The following CRMP1 variants were observed in gnomAD, a reference collection of about 807,000 sequenced individuals.
CRMP1 encodes the protein dihydropyrimidinase-related protein 1.
A neutral mutation model predicts 68.3 loss-of-function variants in CRMP1; 19 were observed. The ratio of observed to expected loss-of-function variants is 0.28; its 90% confidence interval spans 0.19 to 0.41. The LOEUF is 0.41. Among genes scored for constraint, CRMP1 ranks in the 10% least tolerant of loss-of-function variants. The pLI is 1.00. For missense variants in CRMP1, 791 were observed against 967.4 expected (o/e 0.82, Z 2.42); for synonymous variants, 439 against 399.6 (o/e 1.10, Z -1.18).
At chr4:5,869,311 A>G (rs1258663565) in intron 1 of CRMP1, among the ~76,000 whole-genome samples, 8 of 152,000 alleles carry the variant, frequency 5.3e-5, no homozygotes. Flanking sequence ...TACCATTTGT[A>G]TTCTCTCCAG....
At position 5,889,271 on chromosome 4, in the gene CRMP1, C is replaced by A. The variant is rs957495257; in HGVS notation, c.381+3318G>T. Among the ~76,000 whole-genome samples the A allele has an allele frequency of 1.3e-5, 2 of 152,176 alleles. No individual in the cohort carries two copies. The highest frequency in any genetic ancestry group is 2.9e-5 in the Non-Finnish European group (2 of 68,036). On this transcript the variant is annotated intron_variant, in intron 1 of 13. Transcript: ENST00000324989. This position sits in a 1 kb window ranked among gnomAD's most constrained non-coding sequence, Gnocchi z 4.5. ...CTCCAACAGCAGCTCCCTCATCACA[C>A]AGCAGCCTGACACTGGGGCCACCAG... is the stretch of plus-strand genomic sequence containing the variant.
rs1714940284 is a variant in CRMP1 at position 5,877,759 on chromosome 4, TC to T, written c.382-11004del. On this transcript the variant is annotated intron_variant, in intron 1 of 13. Transcript: ENST00000324989. The surrounding 1 kb of genome is among the most constrained non-coding windows in gnomAD (Gnocchi z 4.3). ...TTTTCCCCCCGATATTATGCCTGTTTCCATGACAACTGCAGTTATAAGTGCA... is the reference window on the plus strand; with the variant it reads ...TTTTCCCCCCGATATTATGCCTGTTTCATGACAACTGCAGTTATAAGTGCA... Among the ~76,000 whole-genome samples the T allele has an allele frequency of 6.6e-6, 1 of 152,194 alleles. No homozygotes were observed. The highest frequency in any genetic ancestry group is 1.5e-5 in the Non-Finnish European group (1 of 68,046).
intron 1 of CRMP1, chr4:5,887,827 C>A: frequency 4.0e-6 from 4 of 997,264 alleles, no homozygotes; most frequent in Non-Finnish European, 4.8e-6. Context: ...CCGGACGGTG[C>A]GGGGGCCGAG....
rs1222305890 is a variant in CRMP1 at position 5,850,103 on chromosome 4, T to C, written c.883-631A>G. Among the ~76,000 whole-genome samples, 1 of 152,192 alleles carries C rather than the reference T, an allele frequency of 6.6e-6. No homozygotes were observed. The highest frequency in any genetic ancestry group is 2.4e-5 in the African/African-American group (1 of 41,458). ...CCTGAGGAGAATCTGCATTTGGGCA[T>C]TGCCCCTGGTAAGGGCCAAAGCCAC... On this transcript the variant is annotated intron_variant, in intron 5 of 13. Transcript: ENST00000324989. This position sits in a 1 kb window ranked among gnomAD's most constrained non-coding sequence, Gnocchi z 4.4.
rs1449071012 is a variant in CRMP1, at chr4:5,891,096, G to A, written c.381+1493C>T. On this transcript the variant is annotated intron_variant, in intron 1 of 13. Transcript: ENST00000324989. This position sits in a 1 kb window ranked among gnomAD's most constrained non-coding sequence, Gnocchi z 5.2. ...CCAGGGAAGGTAGTGGACAGGGGGA[G>A]ATACAGAAGGGGTGGGGGAAGAGGA... 6.6e-6 allele frequency among the ~76,000 whole-genome samples: 1 copy of A among 151,866 alleles called. No homozygotes were observed. Among genetic ancestry groups the A allele is most frequent in the Non-Finnish European group, 1.5e-5 (1 of 67,980 alleles).
chr4:5,871,894 TTTGTGACCA>T (rs1714480814), intron 1 of CRMP1, among the ~76,000 whole-genome samples: 1 of 152,210 alleles, frequency 6.6e-6, no homozygotes, highest in African/African-American at 2.4e-5. Context: ...AGTTACGTGC[TTTGTGACCA>T]TTTGCACAGA....
At position 5,891,212 on chromosome 4, in the gene CRMP1, A is replaced by C. The variant is rs148962272; in HGVS notation, c.381+1377T>G. Among the ~76,000 whole-genome samples, 470 of 147,212 alleles carry C rather than the reference A, an allele frequency of 3.2e-3. 1 individual carries two copies. The highest frequency in any genetic ancestry group is 7.8e-3 in the African/African-American group (303 of 39,070). On this transcript the variant is annotated intron_variant, in intron 1 of 13. Coordinates refer to ENST00000324989, the MANE Select transcript of CRMP1 (RefSeq NM_001014809.3). The surrounding 1 kb of genome is among the most constrained non-coding windows in gnomAD (Gnocchi z 5.2). ...CACACACACACACACACACACACAC[A>C]CCCTTGCTGTTGGACCTCTCCCTCG... is the stretch of plus-strand genomic sequence containing the variant.
chr4:5,830,318 GT>G (rs142821093), intron 11 of CRMP1, among the ~76,000 whole-genome samples: 4,860 of 152,212 alleles, frequency 0.032, 96 homozygotes, highest in Non-Finnish European at 0.051. Flanking sequence ...TGAAGTAATT[GT>G]TTTTGCCACA....
chr4:5,857,665 A>T (rs1713237725), intron 3 of CRMP1, among the ~76,000 whole-genome samples: 1 of 152,184 alleles, frequency 6.6e-6, no homozygotes, highest in South Asian at 2.1e-4. Flanking sequence ...TTGAGGCTCA[A>T]AGAGGGTAAA....
Position 5,841,839 on chromosome 4 carries a change from G to C in CRMP1, c.1033-411C>G, listed in dbSNP as rs2152460115. Among the ~76,000 whole-genome samples the C allele has an allele frequency of 6.6e-6, 1 of 152,314 alleles. No homozygotes were observed. Among genetic ancestry groups the C allele is most frequent in the Admixed American group, 6.5e-5 (1 of 15,296 alleles). On this transcript the variant is annotated intron_variant, in intron 7 of 13. Transcript: ENST00000324989. This position sits in a 1 kb window ranked among gnomAD's most constrained non-coding sequence, Gnocchi z 6.9. ...GTGTCCAGCAGACACCAGGCCCAGG[G>C]CATGGGCCCAGAAGACTCGGTAATG...
At chr4:5,832,302 A>C (rs1437294133) in intron 11 of CRMP1, among the ~76,000 whole-genome samples, 1 of 152,260 alleles carries the variant, frequency 6.6e-6, no homozygotes. Flanking sequence ...TCAAAATGGC[A>C]ACACTTATGG....
At chr4:5,868,252 A>ACTATATATCTATATAT (rs1291514724) in intron 1 of CRMP1, among the ~76,000 whole-genome samples, 1 of 102,442 alleles carries the variant, frequency 9.8e-6, no homozygotes, top group African/African-American at 3.7e-5. Context: ...ATTCTTCATG[A>ACTATATATCTATATAT]CTATATATCT....
intron 1 of CRMP1, among the ~76,000 whole-genome samples, chr4:5,884,402 CACACACAA>C (rs1239285871): frequency 6.6e-6 from 1 of 151,988 alleles, no homozygotes; most frequent in Non-Finnish European, 1.5e-5. Context: ...CCCCCACACC[CACACACAA>C]ACACATTTAC....
At position 5,890,032 on chromosome 4, in the gene CRMP1, G is replaced by T; in HGVS notation, c.381+2557C>A. 4.2e-6 allele frequency: 3 copies of T among 713,148 alleles called. No individual in the cohort carries two copies. The highest frequency in any genetic ancestry group is 5.5e-6 in the Non-Finnish European group (3 of 543,436). The allele number at this position is 713,148 out of a possible 1,614,324, so 44.2% of individuals were successfully genotyped here. A position where few individuals can be genotyped will look rare whatever the true frequency, so the allele number is the denominator to read the frequency against. ...GAGATGCCAGGTTCCCCTACACTCTGTTTACAACTCATTTCCCTCCACGCA... is the reference window on the plus strand; with the variant it reads ...GAGATGCCAGGTTCCCCTACACTCTTTTTACAACTCATTTCCCTCCACGCA... On this transcript the variant is annotated intron_variant, in intron 1 of 13. Transcript: ENST00000324989. This position sits in a 1 kb window ranked among gnomAD's most constrained non-coding sequence, Gnocchi z 5.5.
intron 1 of CRMP1, among the ~76,000 whole-genome samples, chr4:5,884,081 C>A (rs186779060): frequency 3.9e-5 from 6 of 152,346 alleles, no homozygotes; most frequent in Non-Finnish European, 8.8e-5. Flanking sequence ...ATCATGGCCA[C>A]TCCAGTGTCC....
Position 5,843,817 on chromosome 4 carries a change from C to G in CRMP1, c.964-656G>C, listed in dbSNP as rs1471636430. On this transcript the variant is annotated intron_variant, in intron 6 of 13. Coordinates refer to ENST00000324989, the MANE Select transcript of CRMP1 (RefSeq NM_001014809.3). The surrounding 1 kb of genome is among the most constrained non-coding windows in gnomAD (Gnocchi z 4.1). ...CGGCTCTCATACCTACTTCAGCTGC[C>G]TCTTCCTGGCATCTGTCTTTATGGC... Among the ~76,000 whole-genome samples the G allele has an allele frequency of 6.6e-6, 1 of 152,216 alleles. No homozygotes were observed. The highest frequency in any genetic ancestry group is 1.5e-5 in the Non-Finnish European group (1 of 68,046).
chr4:5,863,911 G>A (rs1418481425), intron 2 of CRMP1, among the ~76,000 whole-genome samples: 2 of 152,198 alleles, frequency 1.3e-5, no homozygotes, highest in African/African-American at 4.8e-5. Flanking sequence ...CAAGGGCCCT[G>A]TGAGGCCTCA....
Position 5,890,048 on chromosome 4 carries a change from C to T in CRMP1, c.381+2541G>A. 1.8e-6 allele frequency: 1 copy of T among 563,718 alleles called. No homozygotes were observed. Among genetic ancestry groups the T allele is most frequent in the South Asian group, 5.3e-5 (1 of 18,772 alleles). 34.9% of individuals were successfully genotyped at this position (563,718 alleles called of 1,614,324 possible). A position where few individuals can be genotyped will look rare whatever the true frequency, so the allele number is the denominator to read the frequency against. ...CTACACTCTGTTTACAACTCATTTC[C>T]CTCCACGCATTCATGCATCCCTGGC... On this transcript the variant is annotated intron_variant, in intron 1 of 13. Coordinates refer to ENST00000324989, the MANE Select transcript of CRMP1 (RefSeq NM_001014809.3). The surrounding 1 kb of genome is among the most constrained non-coding windows in gnomAD (Gnocchi z 5.5).
chr4:5,856,731 C>T (rs551079880), intron 3 of CRMP1, among the ~76,000 whole-genome samples: 24 of 151,942 alleles, frequency 1.6e-4, no homozygotes, highest in Non-Finnish European at 3.2e-4. Context: ...CTATCATTAT[C>T]GCTCATCACT....
Sources: gnomAD v4.1 joint callset for allele counts (sites outside exome capture counted in the v4.1 genomes callset) on GRCh38, gnomAD v4.1.1 for gene constraint, Gnocchi (gnomAD v3.1) non-coding constraint, MANE v1.5 for transcripts, NCBI Gene and HGNC (gene_info 2026-07-23, HGNC 2026-07-21) for gene names.